The following PTPRD variants were observed in gnomAD, a reference collection of about 807,000 sequenced individuals.
PTPRD encodes the protein receptor-type tyrosine-protein phosphatase delta.
In PTPRD, 34 loss-of-function variants were observed where a neutral mutation model predicts 214.5. The observed-to-expected ratio is 0.16, with a 90% CI of 0.12 to 0.21. PTPRD has a LOEUF of 0.21. Among genes scored for constraint, PTPRD ranks in the 10% least tolerant of loss-of-function variants. The pLI, the probability that PTPRD is intolerant of heterozygous loss-of-function variation, is 1.00. For missense variants in PTPRD, 2,545 were observed against 2,398.7 expected, an observed-to-expected ratio of 1.06 and a Z score of -1.27; for synonymous variants, 1,128 against 845.7, an observed-to-expected ratio of 1.33 and a Z score of -5.79.
intron 7 of PTPRD, among the ~76,000 whole-genome samples, chr9:9,625,212 T>G (rs939979544): frequency 6.6e-6 from 1 of 152,056 alleles, no homozygotes; most frequent in Non-Finnish European, 1.5e-5. Flanking sequence ...TATGTCACAG[T>G]GGGGATATGG....
At position 9,095,437 on chromosome 9, in the gene PTPRD, T is replaced by A. The variant is rs888430237; in HGVS notation, c.-142-76702A>T. 2.0e-5 allele frequency among the ~76,000 whole-genome samples: 3 copies of A among 152,210 alleles called. No homozygotes were observed. The East Asian group carries it at 5.8e-4, about 29-fold the overall frequency. On this transcript the variant is annotated intron_variant, in intron 10 of 45. Transcript: ENST00000381196. ...ACAAAAATCAAATGTATTTCAGTTG[T>A]TTCAATGTCAATTTTCTCCAGATTG...
At chr9:10,319,685 C>T (rs992550750) in intron 3 of PTPRD, among the ~76,000 whole-genome samples, 4 of 151,886 alleles carry the variant, frequency 2.6e-5, no homozygotes, top group African/African-American at 7.3e-5. Context: ...AGAAGTATAA[C>T]TACTCATCTA....
chr9:10,356,757 G>A (rs924622506), intron 2 of PTPRD, among the ~76,000 whole-genome samples: 5 of 151,776 alleles, frequency 3.3e-5, no homozygotes, highest in African/African-American at 1.2e-4. Flanking sequence ...TCAGCTTACA[G>A]AAACCTCTGT....
chr9:9,863,362 C>T (rs1337478082), intron 5 of PTPRD, among the ~76,000 whole-genome samples: 1 of 152,104 alleles, frequency 6.6e-6, no homozygotes, highest in East Asian at 1.9e-4. Flanking sequence ...TAGCTCGACA[C>T]CCGACAGTCA....
chr9:10,493,330 C>T (rs991425586), intron 2 of PTPRD, among the ~76,000 whole-genome samples: 7 of 151,800 alleles, frequency 4.6e-5, no homozygotes, highest in Admixed American at 4.6e-4. Context: ...GAGGCATCAC[C>T]CTACCTGAAT....
At chr9:9,235,508 G>C (rs1169937917) in intron 9 of PTPRD, among the ~76,000 whole-genome samples, 3 of 152,084 alleles carry the variant, frequency 2.0e-5, no homozygotes, top group African/African-American at 2.4e-5. Flanking sequence ...AGGCTCTCAT[G>C]TTATGTTCTT....
At chr9:8,668,738 T>C (rs1351648682) in intron 12 of PTPRD, among the ~76,000 whole-genome samples, 1 of 152,212 alleles carries the variant, frequency 6.6e-6, no homozygotes, top group Non-Finnish European at 1.5e-5. Context: ...TGTCTTTCAA[T>C]TAAAACTCGA....
At chr9:10,058,533 T>C (rs1471238542) in intron 3 of PTPRD, among the ~76,000 whole-genome samples, 1 of 152,086 alleles carries the variant, frequency 6.6e-6, no homozygotes, top group South Asian at 2.1e-4. Flanking sequence ...TGCCTCAATT[T>C]CTTTCTTTAA....
chr9:10,174,730 C>T (rs570434438), intron 3 of PTPRD, among the ~76,000 whole-genome samples: 19 of 151,820 alleles, frequency 1.3e-4, no homozygotes, highest in South Asian at 6.2e-4. Flanking sequence ...CAGATGCCTA[C>T]GGTAATTTCA....
chr9:8,936,837 G>T (rs1465398610), intron 11 of PTPRD, among the ~76,000 whole-genome samples: 1 of 152,050 alleles, frequency 6.6e-6, no homozygotes, highest in African/African-American at 2.4e-5. Flanking sequence ...AATTCAAAAT[G>T]GTTTCTTATA....
At chr9:9,081,669 C>A (rs1317777393) in intron 10 of PTPRD, among the ~76,000 whole-genome samples, 1 of 152,028 alleles carries the variant, frequency 6.6e-6, no homozygotes, top group Admixed American at 6.6e-5. Context: ...CTTTATGAAT[C>A]TGGGTGCTCC....
intron 11 of PTPRD, among the ~76,000 whole-genome samples, chr9:8,865,880 C>T (rs534561443): frequency 3.3e-5 from 5 of 152,194 alleles, no homozygotes; most frequent in Admixed American, 6.5e-5. Context: ...TAGAGTCTAA[C>T]GGGAGTGGAT....
At chr9:10,447,196 G>C (rs745918060) in intron 2 of PTPRD, among the ~76,000 whole-genome samples, 13 of 150,470 alleles carry the variant, frequency 8.6e-5, no homozygotes, top group African/African-American at 3.3e-4. Flanking sequence ...GCTAACAGGA[G>C]ATCCATTTCA....
chr9:9,270,706 G>C (rs1205396661), intron 9 of PTPRD, among the ~76,000 whole-genome samples: 1 of 151,416 alleles, frequency 6.6e-6, no homozygotes, highest in Admixed American at 6.6e-5. Context: ...GCTACTGTGT[G>C]TAGAATGGTA....
At chr9:8,478,722 G>A (rs2096819171) in intron 30 of PTPRD, among the ~76,000 whole-genome samples, 1 of 152,200 alleles carries the variant, frequency 6.6e-6, no homozygotes, top group South Asian at 2.1e-4. Context: ...CCTTAAGGCT[G>A]TTACAAAAGA....
intron 11 of PTPRD, among the ~76,000 whole-genome samples, chr9:8,793,816 A>G (rs539475927): frequency 6.6e-6 from 1 of 152,330 alleles, no homozygotes; most frequent in South Asian, 2.1e-4. Flanking sequence ...TGCTATAGAT[A>G]CACTATGTAT....
intron 3 of PTPRD, among the ~76,000 whole-genome samples, chr9:10,123,594 A>G (rs1436769834): frequency 6.6e-6 from 1 of 152,168 alleles, no homozygotes; most frequent in Non-Finnish European, 1.5e-5. Context: ...GTGGCTTGTG[A>G]AAAAGAATCC....
At chr9:9,695,171 T>G (rs2097349449) in intron 7 of PTPRD, among the ~76,000 whole-genome samples, 1 of 152,124 alleles carries the variant, frequency 6.6e-6, no homozygotes, top group South Asian at 2.1e-4. Flanking sequence ...TAGTCAGAAG[T>G]CGATGAATCT....
intron 10 of PTPRD, among the ~76,000 whole-genome samples, chr9:9,067,831 G>A (rs943733025): frequency 3.9e-5 from 6 of 151,940 alleles, no homozygotes; most frequent in African/African-American, 1.5e-4. Context: ...ATTTGTACTT[G>A]TGTCTGTGTT....
Sources: gnomAD v4.1 joint callset for allele counts (sites outside exome capture counted in the v4.1 genomes callset) on GRCh38, gnomAD v4.1.1 for gene constraint, MANE v1.5 for transcripts, NCBI Gene and HGNC (gene_info 2026-07-23, HGNC 2026-07-21) for gene names.